Variants in MDGA2 observed in about 807,000 individuals in gnomAD.
MDGA2 encodes MAM domain-containing glycosylphosphatidylinositol anchor protein 2.
In MDGA2, 40 loss-of-function variants were observed where a neutral mutation model predicts 117.8. That is an observed-to-expected ratio of 0.34 (90% CI 0.26 to 0.44). The LOEUF (loss-of-function observed/expected upper bound fraction) is 0.44, where lower values mean the gene tolerates loss of function less well. Among genes scored for constraint, MDGA2 ranks in the 20% least tolerant of loss-of-function variants. MDGA2 has a pLI of 1.00. For missense variants in MDGA2, 1,123 were observed against 1,250.6 expected, an observed-to-expected ratio of 0.90 and a Z score of 1.54; for synonymous variants, 452 against 439.0, an observed-to-expected ratio of 1.03 and a Z score of -0.37.
intron 6 of MDGA2, among the ~76,000 whole-genome samples, chr14:47,064,058 A>G (rs376952661): frequency 6.6e-6 from 1 of 152,054 alleles, no homozygotes; most frequent in East Asian, 1.9e-4. Context: ...TAGAATATTT[A>G]TTCATAAAAA....
At chr14:46,973,624 G>T (rs979244322) in intron 8 of MDGA2, among the ~76,000 whole-genome samples, 1 of 152,136 alleles carries the variant, frequency 6.6e-6, no homozygotes, top group African/African-American at 2.4e-5. Flanking sequence ...AAAAATGTAG[G>T]TATCAGTGAA....
chr14:47,195,318 C>T (rs11845425), intron 3 of MDGA2, among the ~76,000 whole-genome samples: 28,931 of 151,754 alleles, frequency 0.19, 2,848 homozygotes, highest in Middle Eastern at 0.23. Context: ...CTAATCTACT[C>T]GAAAATAGAG....
chr14:47,636,408 G>A (rs1187635308), intron 1 of MDGA2, among the ~76,000 whole-genome samples: 2 of 152,094 alleles, frequency 1.3e-5, no homozygotes, highest in Admixed American at 6.5e-5. Flanking sequence ...TTAATCATCA[G>A]AGCAAAATCC....
intron 1 of MDGA2, among the ~76,000 whole-genome samples, chr14:47,561,689 T>TCCTGTTTTGATG (rs1345944574): frequency 6.6e-6 from 1 of 152,190 alleles, no homozygotes; most frequent in Non-Finnish European, 1.5e-5. Flanking sequence ...TAGTTTGACT[T>TCCTGTTTTGATG]CCTCTCTTCC....
chr14:47,143,976 G>T, intron 4 of MDGA2, 102 bp downstream of exon 4: 1 of 894,516 alleles, frequency 1.1e-6, no homozygotes, highest in Non-Finnish European at 1.6e-6. Context: ...TGAAAGGCCA[G>T]AATAGAGAAA....
At chr14:46,905,616 T>C (rs929849290) in intron 10 of MDGA2, among the ~76,000 whole-genome samples, 9 of 152,176 alleles carry the variant, frequency 5.9e-5, no homozygotes, top group Non-Finnish European at 7.4e-5. Flanking sequence ...GTATCCAATA[T>C]GTTACAAAAA....
chr14:47,216,424 A>C (rs1165161272), intron 3 of MDGA2, among the ~76,000 whole-genome samples: 1 of 152,142 alleles, frequency 6.6e-6, no homozygotes, highest in African/African-American at 2.4e-5. Flanking sequence ...TGTATAATCA[A>C]ACACATTTCC....
intron 1 of MDGA2, among the ~76,000 whole-genome samples, chr14:47,520,211 C>T (rs909644875): frequency 2.0e-5 from 3 of 152,152 alleles, no homozygotes; most frequent in African/African-American, 7.2e-5. Context: ...GATTTGCATT[C>T]ACAATGTACT....
At chr14:47,241,332 T>A (rs1887032920) in intron 2 of MDGA2, among the ~76,000 whole-genome samples, 1 of 151,848 alleles carries the variant, frequency 6.6e-6, no homozygotes, top group Non-Finnish European at 1.5e-5. Context: ...CCATGCACTT[T>A]TAGATAAACA....
intron 1 of MDGA2, among the ~76,000 whole-genome samples, chr14:47,424,399 G>A (rs1892642778): frequency 7.0e-6 from 1 of 143,774 alleles, no homozygotes; most frequent in Non-Finnish European, 1.5e-5. Flanking sequence ...CTAAACCTGG[G>A]TGAGATTCTG....
rs867430395 is a variant in MDGA2, at chr14:47,381,289, G to T, written c.281-79739C>A. ...GGCAAAAACTGGAAGCATTCCCTTTGAAAACTGGCACAAGACAGGGATGCC... is the reference window on the plus strand; with the variant it reads ...GGCAAAAACTGGAAGCATTCCCTTTTAAAACTGGCACAAGACAGGGATGCC... On this transcript the variant is annotated intron_variant, in intron 1 of 16. Transcript: ENST00000399232. Among the ~76,000 whole-genome samples the T allele has an allele frequency of 2.0e-5, 3 of 152,256 alleles. No individual in the cohort carries two copies. The South Asian group carries it at 6.2e-4, about 32-fold the overall frequency.
At chr14:46,968,087 G>A (rs1886107690) in intron 8 of MDGA2, among the ~76,000 whole-genome samples, 1 of 152,184 alleles carries the variant, frequency 6.6e-6, no homozygotes, top group Non-Finnish European at 1.5e-5. Flanking sequence ...TAGAGGAATT[G>A]CTCCAGAACT....
Position 47,301,556 on chromosome 14 carries a change from G to A in MDGA2, c.281-6C>T, listed in dbSNP as rs972034726. 16 of 1,551,334 alleles carry A rather than the reference G, an allele frequency of 1.0e-5. No homozygotes were observed. Among genetic ancestry groups the A allele is most frequent in the Middle Eastern group, 1.7e-4 (1 of 6,012 alleles). ...AATACGAACCGTGGGAGGAGCTGTC[G>A]AGTCAGGAAGAAGAGAGACAAGATA... On this transcript the variant is annotated splice_polypyrimidine_tract_variant and splice_region_variant and intron_variant, in intron 1 of 16. Coordinates refer to ENST00000399232, the MANE Select transcript of MDGA2 (RefSeq NM_001113498.3).
chr14:46,845,656 TAAAC>T, intron 16 of MDGA2, 106 bp downstream of exon 16: 1 of 656,178 alleles, frequency 1.5e-6, no homozygotes, highest in Non-Finnish European at 2.5e-6. Context: ...AATTTCTAAA[TAAAC>T]CAACTAAAAA....
chr14:47,522,609 A>G (rs555415235), intron 1 of MDGA2, among the ~76,000 whole-genome samples: 32 of 66,514 alleles, frequency 4.8e-4, no homozygotes, highest in African/African-American at 1.2e-3. Flanking sequence ...AAATTTTAAC[A>G]GTTATACAAG....
intron 1 of MDGA2, among the ~76,000 whole-genome samples, chr14:47,591,207 T>C (rs138489583): frequency 1.2e-4 from 19 of 152,204 alleles, no homozygotes; most frequent in African/African-American, 3.8e-4. Context: ...ATGTGAAAAT[T>C]CAGGTTTAAA....
At chr14:47,265,785 C>G (rs1222781138) in intron 2 of MDGA2, among the ~76,000 whole-genome samples, 1 of 152,074 alleles carries the variant, frequency 6.6e-6, no homozygotes, top group Non-Finnish European at 1.5e-5. Flanking sequence ...CATTAGAGGC[C>G]TTCCATGTTA....
intron 8 of MDGA2, among the ~76,000 whole-genome samples, chr14:46,991,009 G>A (rs1248952413): frequency 2.0e-5 from 3 of 151,912 alleles, no homozygotes; most frequent in Non-Finnish European, 2.9e-5. Flanking sequence ...TCTGAATTAG[G>A]CTTTATCCTC....
At chr14:47,097,341 T>C (rs1445651151) in intron 5 of MDGA2, among the ~76,000 whole-genome samples, 9 of 152,038 alleles carry the variant, frequency 5.9e-5, no homozygotes, top group Non-Finnish European at 1.2e-4. Context: ...ATCTTACACA[T>C]AGAAAGGGGA....
Sources: allele counts gnomAD v4.1 joint callset (sites outside exome capture counted in the v4.1 genomes callset), GRCh38; gene constraint gnomAD v4.1.1; transcripts MANE v1.5; gene names NCBI Gene and HGNC (gene_info 2026-07-23, HGNC 2026-07-21).